ZNF573: variants seen among roughly 807,000 people sequenced by gnomAD.
ZNF573 encodes zinc finger protein 573.
Under a neutral mutation model 57.4 loss-of-function variants are expected in ZNF573, and 41 were observed. That is an observed-to-expected ratio of 0.71 (90% CI 0.56 to 0.93). The LOEUF is 0.93. ZNF573 is among the 40% of genes least tolerant of loss of function. The pLI is 0.00. For missense variants in ZNF573, 730 were observed against 794.8 expected (o/e 0.92, Z 0.98); for synonymous variants, 249 against 261.0 (o/e 0.95, Z 0.44).
intron 4 of ZNF573, among the ~76,000 whole-genome samples, chr19:37,743,319 CAAA>C (rs74174484): frequency 1.2e-4 from 12 of 100,006 alleles, no homozygotes; most frequent in African/African-American, 5.0e-4. Context: ...GAATCCATCT[CAAA>C]AAAAAAAAAA....
chr19:37,738,832 G>C lies in ZNF573; in HGVS notation c.1658C>G (p.Pro553Arg), dbSNP rs141383055. The change falls in exon 5 of 5, where the codon CCT becomes CGT. Residue 553 changes from proline to arginine, a missense_variant. Pro to Arg is a moderately radical substitution (Grantham distance 103). Coordinates refer to ENST00000536220, the MANE Select transcript of ZNF573 (RefSeq NM_001172690.2). ...LHQSIHTDEKPFECKECGKTF... is the reference protein window; with the variant it reads ...LHQSIHTDEKRFECKECGKTF... ...CTTCCCACATTCCTTACATTCAAAA[G>C]GTTTCTCATCAGTATGAATACTTTG... The C allele has an allele frequency of 1.9e-6, 3 of 1,613,114 alleles. No homozygotes were observed. In the African/African-American group the frequency reaches 4.0e-5, roughly 22 times the overall value.
At position 37,744,773 on chromosome 19, in the gene ZNF573, A is replaced by C. The variant is rs181315943; in HGVS notation, c.296-4579T>G. ...AAAAAAAAAGAAAAAAAAAAAGAAAAAAGAAAAAGAAAACACTTTTTTTTT... is the reference window on the plus strand; with the variant it reads ...AAAAAAAAAGAAAAAAAAAAAGAAACAAGAAAAAGAAAACACTTTTTTTTT... On this transcript the variant is annotated intron_variant, in intron 4 of 4. Coordinates refer to ENST00000536220, the MANE Select transcript of ZNF573 (RefSeq NM_001172690.2). Among the ~76,000 whole-genome samples the C allele has an allele frequency of 6.1e-3, 931 of 151,606 alleles. 27 individuals are homozygous for C. The highest frequency in any genetic ancestry group is 0.051 in the East Asian group (264 of 5,144).
intron 4 of ZNF573, among the ~76,000 whole-genome samples, chr19:37,752,384 A>T (rs1178784510): frequency 6.6e-6 from 1 of 152,202 alleles, no homozygotes; most frequent in Non-Finnish European, 1.5e-5. Context: ...ACAGCAACAA[A>T]AGAAATAATA....
chr19:37,760,668 A>AAAATAC (rs2045543047), intron 4 of ZNF573, among the ~76,000 whole-genome samples: 2 of 151,890 alleles, frequency 1.3e-5, no homozygotes, highest in African/African-American at 4.8e-5. Context: ...CTAAAAATAC[A>AAAATAC]AAAATTAGCC....
At chr19:37,775,085 T>C (rs543978844) in intron 1 of ZNF573, among the ~76,000 whole-genome samples, 1 of 151,106 alleles carries the variant, frequency 6.6e-6, no homozygotes, top group Non-Finnish European at 1.5e-5. Context: ...GGTGTGATCA[T>C]AGCTCACTGC....
In ZNF573 at chr19:37,739,246, T is replaced by A. The variant is rs775394645; in HGVS notation, c.1244A>T (p.Glu415Val). The A allele has an allele frequency of 1.2e-6, 2 of 1,614,058 alleles. No individual in the cohort carries two copies. The highest frequency in any genetic ancestry group is 4.5e-5 in the East Asian group (2 of 44,858). The change falls in exon 5 of 5, where the codon GAA becomes GTA. Residue 415 changes from glutamate to valine, a missense_variant. Coordinates refer to ENST00000536220, the MANE Select transcript of ZNF573 (RefSeq NM_001172690.2). Reference protein sequence around the residue: ...QKTHTGEKPYECKECGKAFSL... With the variant: ...QKTHTGEKPYVCKECGKAFSL... Reference sequence around the variant, plus strand: ...AAAGGCCTTTCCGCATTCCTTGCATTCATAGGGTTTCTCGCCAGTATGAGT... The same window carrying A: ...AAAGGCCTTTCCGCATTCCTTGCATACATAGGGTTTCTCGCCAGTATGAGT...
At chr19:37,756,182 CA>C (rs2045486046) in intron 4 of ZNF573, among the ~76,000 whole-genome samples, 7 of 152,148 alleles carry the variant, frequency 4.6e-5, no homozygotes. Context: ...GTCGGCCTAC[CA>C]ACTTCCTTTC....
At chr19:37,765,752 C>T (rs1758547751) in intron 4 of ZNF573, among the ~76,000 whole-genome samples, 1 of 151,072 alleles carries the variant, frequency 6.6e-6, no homozygotes, top group Admixed American at 6.6e-5. Context: ...ATGAAGGATC[C>T]TAGGGGCCAG....
intron 4 of ZNF573, among the ~76,000 whole-genome samples, chr19:37,759,589 G>C (rs1030603883): frequency 6.6e-6 from 1 of 151,962 alleles, no homozygotes; most frequent in Non-Finnish European, 1.5e-5. Context: ...TTAGCCAGGC[G>C]TGATGGTGGG....
rs754254223 is a variant in ZNF573 at position 37,739,747 on chromosome 19, C to T, written c.743G>A (p.Cys248Tyr). ...RIHTGGKPYECQECGRAFSQG... is the reference protein window; with the variant it reads ...RIHTGGKPYEYQECGRAFSQG... Reference sequence around the variant, plus strand: ...ACTAAAGGCCCTCCCACACTCCTGACATTCATACGGCTTCCCACCAGTGTG... The same window carrying T: ...ACTAAAGGCCCTCCCACACTCCTGATATTCATACGGCTTCCCACCAGTGTG... Residue 248 changes from cysteine (C) to tyrosine (Y), a missense_variant, in exon 5 of 5, where the codon TGT becomes TAT. Cys to Tyr is a radical substitution (Grantham distance 194). Coordinates refer to ENST00000536220, the MANE Select transcript of ZNF573 (RefSeq NM_001172690.2). The T allele has an allele frequency of 2.5e-6, 4 of 1,613,950 alleles. No homozygotes were observed. The South Asian group carries it at 3.3e-5, about 13-fold the overall frequency.
intron 4 of ZNF573, among the ~76,000 whole-genome samples, chr19:37,743,682 T>C (rs1205885973): frequency 1.3e-5 from 2 of 152,194 alleles, no homozygotes; most frequent in African/African-American, 4.8e-5. Flanking sequence ...GAAAGACACA[T>C]GTGCATGTAC....
At chr19:37,774,260 C>T (rs951322500) in intron 1 of ZNF573, among the ~76,000 whole-genome samples, 3 of 151,474 alleles carry the variant, frequency 2.0e-5, no homozygotes, top group African/African-American at 7.3e-5. Context: ...GTCTCAGCCA[C>T]CCAAGTAGCT....
chr19:37,741,353 C>T (rs1196706223), intron 4 of ZNF573, among the ~76,000 whole-genome samples: 3 of 152,122 alleles, frequency 2.0e-5, no homozygotes, highest in Non-Finnish European at 2.9e-5. Flanking sequence ...CAGCCTTGTA[C>T]TCTTCCAGCT....
chr19:37,773,361 C>T (rs2045676790), intron 2 of ZNF573, among the ~76,000 whole-genome samples: 1 of 152,162 alleles, frequency 6.6e-6, no homozygotes, highest in Non-Finnish European at 1.5e-5. Flanking sequence ...AACTAAGGAC[C>T]TATAAAGGAA....
intron 4 of ZNF573, among the ~76,000 whole-genome samples, 193 bp from the exon 5 acceptor site, chr19:37,740,387 C>T (rs1358653820): frequency 1.3e-5 from 2 of 152,140 alleles, no homozygotes. Context: ...AGTGAAATTA[C>T]TGATTGAGGA....
intron 4 of ZNF573, among the ~76,000 whole-genome samples, chr19:37,757,489 G>T (rs868713571): frequency 2.0e-5 from 3 of 152,030 alleles, no homozygotes; most frequent in African/African-American, 7.2e-5. Flanking sequence ...GAGCTACCGC[G>T]CCCGGCCCAC....
rs1212649903 is a variant in ZNF573, at chr19:37,740,022, A to G, written c.468T>C (p.His156=). ...GYQLILHHRF[H]VIERPYECKE... The stretch of plus-strand genomic sequence containing the variant: ...TGCATTCATAGGGTCTCTCAATGAC[A>G]TGAAACCTGTGATGTAGAATAAGTT... Residue 156 remains histidine, a synonymous_variant, in exon 5 of 5, where the codon CAT becomes CAC. Transcript: ENST00000536220. 3 of 1,614,168 alleles carry G rather than the reference A, an allele frequency of 1.9e-6. No homozygotes were observed. Among genetic ancestry groups the G allele is most frequent in the Non-Finnish European group, 1.7e-6 (2 of 1,180,000 alleles).
chr19:37,754,624 G>C (rs2045470021), intron 4 of ZNF573, among the ~76,000 whole-genome samples: 2 of 149,822 alleles, frequency 1.3e-5, no homozygotes, highest in African/African-American at 2.5e-5. Context: ...AATGGCTTTT[G>C]CTTGCATTCC....
chr19:37,762,160 G>C (rs1257673108), intron 4 of ZNF573, among the ~76,000 whole-genome samples: 1 of 152,164 alleles, frequency 6.6e-6, no homozygotes, highest in Admixed American at 6.5e-5. Flanking sequence ...TTAATCATAA[G>C]GAAGTGATAA....
Sources: allele counts gnomAD v4.1 joint callset (sites outside exome capture counted in the v4.1 genomes callset), GRCh38; gene constraint gnomAD v4.1.1; transcripts MANE v1.5; gene names NCBI Gene and HGNC (gene_info 2026-07-23, HGNC 2026-07-21).